GIN1: variants seen among roughly 807,000 people sequenced by gnomAD.
GIN1 encodes the protein gypsy retrotransposon integrase 1.
Under a neutral mutation model 51.4 loss-of-function variants are expected in GIN1, and 41 were observed. The observed-to-expected ratio is 0.80, with a 90% CI of 0.62 to 1.04. The LOEUF is 1.04. Among genes scored for constraint, GIN1 ranks in the 50% least tolerant of loss-of-function variants. The pLI, the probability that GIN1 is intolerant of heterozygous loss-of-function variation, is 0.00. For missense variants in GIN1, 610 were observed against 612.4 expected (o/e 1.00, Z 0.04); for synonymous variants, 222 against 206.5 (o/e 1.07, Z -0.64).
chr5:103,106,762 T>G lies in GIN1; in HGVS notation c.287A>C (p.Glu96Ala). ...HGISRTLTLV[E>A]SNYYWTSVTN... ...CACAGATGTCCAATAATAATTGGAT[T>G]CTACCAGAGTGAGGGTCCTGGATAT... The change falls in exon 3 of 8, where the codon GAA becomes GCA. Residue 96 changes from glutamate to alanine, a missense_variant. Physicochemically the swap from Glu to Ala is moderately radical, Grantham distance 107. Transcript: ENST00000399004. 1 of 1,602,768 alleles carries G rather than the reference T, an allele frequency of 6.2e-7. No homozygotes were observed. Among genetic ancestry groups the G allele is most frequent in the South Asian group, 1.1e-5 (1 of 88,928 alleles).
chr5:103,092,721 G>A (rs1787280777), intron 7 of GIN1, among the ~76,000 whole-genome samples: 1 of 151,798 alleles, frequency 6.6e-6, no homozygotes, highest in South Asian at 2.1e-4. Flanking sequence ...CTAGGTGAGA[G>A]GACTGCTTGA....
At chr5:103,097,821 G>T in intron 4 of GIN1, 40 bp from the exon 5 acceptor site, 1 of 841,570 alleles carries the variant, frequency 1.2e-6, no homozygotes, top group Non-Finnish European at 1.9e-6. Context: ...TTTAAAATTT[G>T]TGTTTTATTT....
chr5:103,118,125 C>T (rs1376714652), intron 1 of GIN1, among the ~76,000 whole-genome samples: 1 of 152,136 alleles, frequency 6.6e-6, no homozygotes, highest in African/African-American at 2.4e-5. Flanking sequence ...GAATTACCTG[C>T]ATTTCCTGAA....
In GIN1 at chr5:103,096,655, CTA is replaced by C. The variant is rs1554195103; in HGVS notation, c.1178_1179del (p.Ile393ArgfsTer18). 1 of 1,613,836 alleles carries C rather than the reference CTA, an allele frequency of 6.2e-7. No individual in the cohort carries two copies. The highest frequency in any genetic ancestry group is 1.7e-5 in the Admixed American group (1 of 60,020). The stretch of plus-strand genomic sequence containing the variant: ...GCACATCCACTTTCTGTAATATAGT[CTA>C]TGACACAAGGACCAACCCATTCAGA... ...FQSEWVGPCV[I>X]DYITESGCAV... On this transcript the variant is annotated frameshift_variant, in exon 7 of 8. Transcript: ENST00000399004. LOFTEE classifies it high-confidence loss of function.
intron 4 of GIN1, among the ~76,000 whole-genome samples, chr5:103,098,436 G>A (rs1258485273): frequency 2.0e-5 from 3 of 152,116 alleles, no homozygotes; most frequent in Non-Finnish European, 4.4e-5. Flanking sequence ...CAAGGAAATG[G>A]AAGAACAGAA....
chr5:103,097,432 T>C lies in GIN1; in HGVS notation c.890A>G (p.Glu297Gly). The C allele has an allele frequency of 6.3e-7, 1 of 1,577,778 alleles. No homozygotes were observed. The highest frequency in any genetic ancestry group is 1.1e-5 in the South Asian group (1 of 89,820). The change falls in exon 6 of 8, where the codon GAG (glutamate) becomes GGG (glycine). Residue 297 changes from glutamate to glycine, a missense_variant. Physicochemically the swap from Glu to Gly is moderately conservative, Grantham distance 98. Transcript: ENST00000399004. Reference protein sequence around the residue: ...QMFSRNPYMPETSDSLHEVDG... With the variant: ...QMFSRNPYMPGTSDSLHEVDG... Reference sequence around the variant, plus strand: ...CACTTCATGAAGACTATCTGAAGTCTCAGGCATATAAGGATTTCGACTAAA... The same window carrying C: ...CACTTCATGAAGACTATCTGAAGTCCCAGGCATATAAGGATTTCGACTAAA...
chr5:103,100,112 A>ATT lies in GIN1; in HGVS notation c.640-2333_640-2332dup, dbSNP rs782290428. Among the ~76,000 whole-genome samples the ATT allele has an allele frequency of 2.8e-4, 40 of 144,986 alleles. 1 individual carries two copies. The highest frequency in any genetic ancestry group is 9.1e-4 in the African/African-American group (36 of 39,728). ...TATTTATTGTTACCCTTTATTTTTT[A>ATT]TTTTTTTTTTTTGAGACAGGGTCTC... On this transcript the variant is annotated intron_variant, in intron 4 of 7. Transcript: ENST00000399004.
chr5:103,089,455 C>T (rs1787174923), intron 7 of GIN1, among the ~76,000 whole-genome samples: 1 of 151,918 alleles, frequency 6.6e-6, no homozygotes, highest in Non-Finnish European at 1.5e-5. Flanking sequence ...TTCATTCATT[C>T]ATTCATTCAC....
At position 103,087,817 on chromosome 5, in the gene GIN1, T is replaced by C. The variant is rs1554194044; in HGVS notation, c.*81A>G. 6 of 609,464 alleles carry C rather than the reference T, an allele frequency of 9.8e-6. No individual in the cohort carries two copies. The highest frequency in any genetic ancestry group is 1.7e-5 in the Non-Finnish European group (6 of 357,080). The allele number at this position is 609,464 out of a possible 1,614,324, so 37.8% of individuals were successfully genotyped here. ...ATTAAGAATGTGTCAAGATACTTCT[T>C]CTATACAACGTTTTTAATGAATAAG... On this transcript the variant is annotated 3_prime_UTR_variant, in exon 8 of 8. Coordinates refer to ENST00000399004, the MANE Select transcript of GIN1 (RefSeq NM_017676.2).
At position 103,087,880 on chromosome 5, in the gene GIN1, A is replaced by C; in HGVS notation, c.*18T>G. 1.8e-6 allele frequency: 2 copies of C among 1,087,594 alleles called. No individual in the cohort carries two copies. The highest frequency in any genetic ancestry group is 2.6e-6 in the Non-Finnish European group (2 of 763,172). 67.4% of individuals were successfully genotyped at this position (1,087,594 alleles called of 1,614,324 possible). A position where few individuals can be genotyped will look rare whatever the true frequency, so the allele number is the denominator to read the frequency against. Reference sequence around the variant, plus strand: ...ATTTATATTCTAAACAAACAATTTAAATAAATTTTGGTATTTACTAACTTA... The same window carrying C: ...ATTTATATTCTAAACAAACAATTTACATAAATTTTGGTATTTACTAACTTA... On this transcript the variant is annotated 3_prime_UTR_variant, in exon 8 of 8. Transcript: ENST00000399004.
At chr5:103,092,985 A>G (rs199516464) in intron 7 of GIN1, among the ~76,000 whole-genome samples, 2 of 82,630 alleles carry the variant, frequency 2.4e-5, no homozygotes, top group South Asian at 2.9e-4. Flanking sequence ...AAAGAGAAAG[A>G]AAAAAAAAAG....
intron 7 of GIN1, among the ~76,000 whole-genome samples, chr5:103,092,076 C>T (rs1344804198): frequency 4.0e-5 from 6 of 151,862 alleles, no homozygotes; most frequent in African/African-American, 7.3e-5. Flanking sequence ...TGGAGTGCAG[C>T]GGTGCAATGT....
In GIN1 at chr5:103,087,373, A is replaced by G. The variant is rs1429100277; in HGVS notation, c.*525T>C. 1 of 152,256 alleles carries G rather than the reference A, an allele frequency of 6.6e-6. No homozygotes were observed. 9.4% of individuals were successfully genotyped at this position (152,256 alleles called of 1,614,324 possible). A position where few individuals can be genotyped will look rare whatever the true frequency, so the allele number is the denominator to read the frequency against. ...TAATCCTGACCCTATCTAACCAATT[A>G]GATAATTTGAAATTACCAATATTCT... On this transcript the variant is annotated 3_prime_UTR_variant, in exon 8 of 8. Transcript: ENST00000399004.
At chr5:103,091,859 T>C (rs1390567039) in intron 7 of GIN1, among the ~76,000 whole-genome samples, 1 of 151,992 alleles carries the variant, frequency 6.6e-6, no homozygotes, top group Admixed American at 6.6e-5. Context: ...ACCCCGTCTC[T>C]ACTAAAAATA....
chr5:103,088,337 A>T (rs192594649), intron 7 of GIN1, among the ~76,000 whole-genome samples, 165 bp from the exon 8 acceptor site: 134 of 152,310 alleles, frequency 8.8e-4, no homozygotes, highest in Middle Eastern at 3.4e-3. Flanking sequence ...GTCAAAGAAT[A>T]AAAAAATGAC....
At chr5:103,095,458 A>G (rs1787366010) in intron 7 of GIN1, among the ~76,000 whole-genome samples, 1 of 152,170 alleles carries the variant, frequency 6.6e-6, no homozygotes, top group Admixed American at 6.5e-5. Flanking sequence ...CTCTGCACCC[A>G]CACCTGGCCC....
chr5:103,113,979 A>G (rs1050152549), intron 1 of GIN1, among the ~76,000 whole-genome samples: 8 of 152,224 alleles, frequency 5.3e-5, no homozygotes, highest in African/African-American at 1.7e-4. Flanking sequence ...CAATCTCTCC[A>G]TCTTTTTCTC....
chr5:103,110,310 C>G (rs115872241), intron 1 of GIN1, among the ~76,000 whole-genome samples: 1 of 152,002 alleles, frequency 6.6e-6, no homozygotes, highest in Admixed American at 6.6e-5. Flanking sequence ...ACATAGGACA[C>G]GCATTGGGAG....
At chr5:103,091,096 C>T (rs1274841259) in intron 7 of GIN1, among the ~76,000 whole-genome samples, 1 of 152,062 alleles carries the variant, frequency 6.6e-6, no homozygotes, top group African/African-American at 2.4e-5. Flanking sequence ...CATTCATTTG[C>T]AAAGGTCAAA....
Sources: gnomAD v4.1 joint callset for allele counts (sites outside exome capture counted in the v4.1 genomes callset) on GRCh38, gnomAD v4.1.1 for gene constraint, MANE v1.5 for transcripts, NCBI Gene and HGNC (gene_info 2026-07-23, HGNC 2026-07-21) for gene names.